The following ATXN2 variants were observed in gnomAD, a reference collection of about 807,000 sequenced individuals.
ATXN2 encodes the protein ataxin-2.
ATXN2 carries 37 observed loss-of-function variants against 138.6 expected under a neutral mutation model. That is an observed-to-expected ratio of 0.27 (90% CI 0.21 to 0.35). ATXN2 has a LOEUF of 0.35. ATXN2 is among the 10% of genes least tolerant of loss of function. The probability of loss-of-function intolerance (pLI) is 1.00; values close to 1 mark genes in which losing one functional copy is unlikely to be tolerated. For missense variants in ATXN2, 1,216 were observed against 1,480.3 expected, an observed-to-expected ratio of 0.82 and a Z score of 2.93; for synonymous variants, 549 against 543.7, an observed-to-expected ratio of 1.01 and a Z score of -0.13.
At chr12:111,593,899 C>A (rs1884799289) in intron 1 of ATXN2, among the ~76,000 whole-genome samples, 1 of 152,168 alleles carries the variant, frequency 6.6e-6, no homozygotes. Context: ...TTATAAATTA[C>A]TAATGAAGCC....
chr12:111,586,396 T>G (rs1421677200), intron 1 of ATXN2, among the ~76,000 whole-genome samples: 2 of 143,030 alleles, frequency 1.4e-5, no homozygotes, highest in East Asian at 2.0e-4. Flanking sequence ...TGGTTTTTTT[T>G]TTTTTTTTTT....
At chr12:111,553,468 A>G (rs1317611286) in intron 3 of ATXN2, among the ~76,000 whole-genome samples, 1 of 150,668 alleles carries the variant, frequency 6.6e-6, no homozygotes, top group African/African-American at 2.4e-5. Flanking sequence ...TACCTAATAT[A>G]ATGTAAATGC....
At position 111,470,138 on chromosome 12, in the gene ATXN2, C is replaced by G; in HGVS notation, c.2812G>C (p.Gly938Arg). 2.5e-6 allele frequency: 4 copies of G among 1,614,014 alleles called. No homozygotes were observed. Among genetic ancestry groups the G allele is most frequent in the Non-Finnish European group, 3.4e-6 (4 of 1,180,004 alleles). Residue 938 changes from glycine (G) to arginine (R), a missense_variant, in exon 20 of 25, where the codon GGG (glycine) becomes CGG (arginine). Physicochemically the swap from Gly to Arg is moderately radical, Grantham distance 125. Around this residue, in one of 4 missense-constraint regions of ATXN2, gnomAD observed 490 missense variants for 653.5 expected, o/e 0.75. Coordinates refer to ENST00000673436, the MANE Select transcript of ATXN2 (RefSeq NM_001372574.1). The part of the protein sequence containing the change: ...GLVSSSATQY[G>R]AHEQTHAMYA... ...ATCGCATGCGTCTGCTCATGAGCCC[C>G]GTACTGAGTTGCTGAAGAAGATACT...
chr12:111,525,666 A>G (rs1439566719), intron 5 of ATXN2, among the ~76,000 whole-genome samples: 1 of 150,604 alleles, frequency 6.6e-6, no homozygotes, highest in Non-Finnish European at 1.5e-5. Flanking sequence ...CTTTTCATAT[A>G]ATTTTAAGCC....
intron 14 of ATXN2, among the ~76,000 whole-genome samples, chr12:111,499,679 CA>C (rs1878630314): frequency 6.8e-6 from 1 of 146,686 alleles, no homozygotes; most frequent in Non-Finnish European, 1.5e-5. Context: ...GTCTCAAAAA[CA>C]AAACAAAACA....
chr12:111,499,079 A>G (rs974699681), intron 14 of ATXN2, among the ~76,000 whole-genome samples: 4 of 152,188 alleles, frequency 2.6e-5, no homozygotes, highest in African/African-American at 9.7e-5. Flanking sequence ...TAAATCTAAG[A>G]CCTCAAACTA....
intron 1 of ATXN2, among the ~76,000 whole-genome samples, chr12:111,584,044 T>C (rs754078781): frequency 7.9e-5 from 12 of 151,614 alleles, no homozygotes; most frequent in Admixed American, 2.0e-4. Context: ...TCTCTGGCTC[T>C]AAAGCAGTAA....
intron 18 of ATXN2, among the ~76,000 whole-genome samples, chr12:111,484,842 C>T (rs1566018396): frequency 2.6e-5 from 4 of 152,158 alleles, no homozygotes; most frequent in African/African-American, 9.7e-5. Context: ...GTGATCCTCT[C>T]GCCTCAGTCC....
chr12:111,510,143 T>A (rs927558622), intron 12 of ATXN2, 145 bp from the exon 13 acceptor site: 1 of 740,598 alleles, frequency 1.4e-6, no homozygotes, highest in Non-Finnish European at 2.1e-6. Context: ...AGATGTCATA[T>A]GAAACACCAA....
chr12:111,555,117 A>G (rs1882320623), intron 2 of ATXN2, among the ~76,000 whole-genome samples: 1 of 152,230 alleles, frequency 6.6e-6, no homozygotes, highest in African/African-American at 2.4e-5. Flanking sequence ...TCCAAAATTT[A>G]AGACCAGAAA....
chr12:111,482,818 C>T (rs1245363375), intron 18 of ATXN2: 2 of 150,200 alleles, frequency 1.3e-5, no homozygotes, highest in African/African-American at 4.9e-5. Flanking sequence ...TCAACAGGTT[C>T]ATATGTTCCA....
At chr12:111,452,919 T>C in intron 24 of ATXN2, 79 bp from the exon 25 acceptor site, 1 of 1,462,934 alleles carries the variant, frequency 6.8e-7, no homozygotes, top group South Asian at 1.5e-5. Flanking sequence ...AGCACATGAT[T>C]GTAAACTATC....
chr12:111,597,153 G>C (rs1204236034), intron 1 of ATXN2, among the ~76,000 whole-genome samples: 1 of 151,366 alleles, frequency 6.6e-6, no homozygotes, highest in African/African-American at 2.4e-5. Context: ...TCAGAGAAGG[G>C]GAAGGGGGGG....
intron 14 of ATXN2, among the ~76,000 whole-genome samples, chr12:111,489,319 A>G (rs1179992145): frequency 6.6e-6 from 1 of 152,182 alleles, no homozygotes; most frequent in African/African-American, 2.4e-5. Flanking sequence ...ACATAAAACA[A>G]TAGCACCAAT....
chr12:111,499,128 T>C (rs938019498), intron 14 of ATXN2, among the ~76,000 whole-genome samples: 1 of 152,154 alleles, frequency 6.6e-6, no homozygotes, highest in Non-Finnish European at 1.5e-5. Context: ...CCCAGGGACA[T>C]TACTCTGGGC....
At chr12:111,532,232 G>A (rs1951272189) in intron 5 of ATXN2, among the ~76,000 whole-genome samples, 1 of 152,146 alleles carries the variant, frequency 6.6e-6, no homozygotes, top group Non-Finnish European at 1.5e-5. Context: ...TGTAATCCCA[G>A]CACTTTGGAA....
At chr12:111,533,404 C>G (rs989073900) in intron 5 of ATXN2, among the ~76,000 whole-genome samples, 2 of 152,034 alleles carry the variant, frequency 1.3e-5, no homozygotes, top group African/African-American at 4.8e-5. Context: ...CCTATAATAC[C>G]TAATACAAAG....
intron 5 of ATXN2, among the ~76,000 whole-genome samples, chr12:111,535,326 G>C (rs980537475): frequency 6.6e-6 from 1 of 152,068 alleles, no homozygotes; most frequent in African/African-American, 2.4e-5. Context: ...AAATCCAGGA[G>C]TAAAAGAAGA....
upstream of ATXN2, chr12:111,599,546 G>C: frequency 8.4e-7 from 1 of 1,192,916 alleles, no homozygotes; most frequent in Non-Finnish European, 1.0e-6. Context: ...CGCCGGGTGG[G>C]AGCGGAGGTG....
Sources: gnomAD v4.1 joint callset for allele counts (sites outside exome capture counted in the v4.1 genomes callset) on GRCh38, gnomAD v4.1.1 for gene constraint, gnomAD v4.1.1 regional missense constraint, MANE v1.5 for transcripts, NCBI Gene and HGNC (gene_info 2026-07-23, HGNC 2026-07-21) for gene names.